FN1: variants seen among roughly 807,000 people sequenced by gnomAD.
The protein encoded by FN1 is fibronectin 1, also known as fibronectin.
Under a neutral mutation model 297.3 loss-of-function variants are expected in FN1, and 106 were observed. The observed-to-expected ratio is 0.36, with a 90% CI of 0.30 to 0.42. The LOEUF (loss-of-function observed/expected upper bound fraction) is 0.42, where lower values mean the gene tolerates loss of function less well. Among genes scored for constraint, FN1 ranks in the 10% least tolerant of loss-of-function variants. The pLI, the probability that FN1 is intolerant of heterozygous loss-of-function variation, is 1.00. For synonymous variants in FN1, 1,149 were observed against 1,152.6 expected (o/e 1.00, Z 0.06); for missense variants, 2,690 against 3,124.9 (o/e 0.86, Z 3.32).
At position 215,418,447 on chromosome 2, in the gene FN1, CTT is replaced by C. The variant is rs2063736564; in HGVS notation, c.1819+793_1819+794del. 4.6e-5 allele frequency among the ~76,000 whole-genome samples: 7 copies of C among 152,262 alleles called. No homozygotes were observed. In the South Asian group the frequency reaches 1.5e-3, roughly 32 times the overall value. On this transcript the variant is annotated intron_variant, in intron 12 of 45. Coordinates refer to ENST00000354785, the MANE Select transcript of FN1 (RefSeq NM_212482.4). ...ATGCAGATTCTGACACCCTGAAACT[CTT>C]TTGTTTCTGAATGTAGGCCATATTT...
chr2:215,403,051 G>A (rs1011676025), intron 20 of FN1, among the ~76,000 whole-genome samples: 1 of 152,036 alleles, frequency 6.6e-6, no homozygotes, highest in Non-Finnish European at 1.5e-5. Flanking sequence ...CTGAAAGGGC[G>A]CATTCACTGA....
chr2:215,394,868 A>G (rs550135434), intron 23 of FN1, 149 bp from the exon 24 acceptor site: 16 of 687,338 alleles, frequency 2.3e-5, no homozygotes, highest in African/African-American at 2.1e-4. Context: ...AATGCTTGCA[A>G]CAATCCTTTC....
chr2:215,368,165 T>A, intron 41 of FN1, 138 bp from the exon 42 acceptor site: 4 of 944,438 alleles, frequency 4.2e-6, no homozygotes, highest in African/African-American at 1.6e-5. Context: ...ATTCATCTGT[T>A]CTATCAAGGC....
At chr2:215,422,891 G>A (rs1485775918) in intron 9 of FN1, among the ~76,000 whole-genome samples, 2 of 152,082 alleles carry the variant, frequency 1.3e-5, no homozygotes, top group African/African-American at 4.8e-5. Flanking sequence ...AGAAAACATT[G>A]AGTTTTAGTC....
At chr2:215,430,230 C>G (rs746679867) in intron 5 of FN1, among the ~76,000 whole-genome samples, 3 of 152,230 alleles carry the variant, frequency 2.0e-5, no homozygotes, top group South Asian at 4.1e-4. Context: ...AAAAAAGGAG[C>G]CTTCAAACCC....
Position 215,433,492 on chromosome 2 carries a change from T to C in FN1, c.278-31A>G, listed in dbSNP as rs778235375. ...GGGAAAAGGAAAGTCCATGTGAGCCTCACTTAGGTACAAGCTTTTCTAGTT... is the reference window on the plus strand; with the variant it reads ...GGGAAAAGGAAAGTCCATGTGAGCCCCACTTAGGTACAAGCTTTTCTAGTT... On this transcript the variant is annotated intron_variant, in intron 2 of 45. Coordinates refer to ENST00000354785, the MANE Select transcript of FN1 (RefSeq NM_212482.4). 6 of 1,606,154 alleles carry C rather than the reference T, an allele frequency of 3.7e-6. No homozygotes were observed. The Middle Eastern group carries it at 5.0e-4, about 133-fold the overall frequency.
Position 215,372,348 on chromosome 2 carries a change from G to A in FN1, c.6275C>T (p.Pro2092Leu), listed in dbSNP as rs758267993. 6.2e-6 allele frequency: 10 copies of A among 1,614,056 alleles called. No homozygotes were observed. Among genetic ancestry groups the A allele is most frequent in the African/African-American group, 5.3e-5 (4 of 74,918 alleles). ...TDELPQLVTLPHPNLHGPEIL... is the reference protein window; with the variant it reads ...TDELPQLVTLLHPNLHGPEIL... ...CTCTGGTCCATGAAGATTGGGGTGT[G>A]GAAGGGTTACCAGTTGGGGAAGCTC... The change falls in exon 40 of 46, where the codon CCA becomes CTA. Residue 2092 changes from proline to leucine, a missense_variant. By Grantham distance (98) the Pro-to-Leu change is moderately conservative. Around this residue, in one of 3 missense-constraint regions of FN1, gnomAD observed 1,743 missense variants for 1,945.2 expected, o/e 0.90. Coordinates refer to ENST00000354785, the MANE Select transcript of FN1 (RefSeq NM_212482.4).
intron 13 of FN1, among the ~76,000 whole-genome samples, chr2:215,412,180 G>C (rs1379581428): frequency 7.6e-6 from 1 of 131,554 alleles, no homozygotes; most frequent in African/African-American, 2.6e-5. Flanking sequence ...AGAAGAAAAA[G>C]AATGACTTTT....
intron 13 of FN1, 64 bp downstream of exon 13, chr2:215,414,773 G>A (rs2106349783): frequency 6.2e-7 from 1 of 1,602,572 alleles, no homozygotes; most frequent in East Asian, 2.2e-5. Flanking sequence ...GGGAAAAAAA[G>A]AAACCATCAG....
At chr2:215,362,274 T>G in intron 44 of FN1, 195 bp from the exon 45 acceptor site, 1 of 598,070 alleles carries the variant, frequency 1.7e-6, no homozygotes. Context: ...CCATATCTTA[T>G]ACCTACATCT....
intron 28 of FN1, among the ~76,000 whole-genome samples, chr2:215,386,369 G>A (rs889563305): frequency 5.3e-5 from 8 of 151,842 alleles, no homozygotes; most frequent in East Asian, 1.9e-4. Flanking sequence ...GAGCCACCCC[G>A]TCCGGCCAAT....
At chr2:215,413,035 A>G (rs1452023057) in intron 13 of FN1, among the ~76,000 whole-genome samples, 1 of 152,206 alleles carries the variant, frequency 6.6e-6, no homozygotes, top group East Asian at 1.9e-4. Flanking sequence ...TCAAGGTTCA[A>G]TGGAATTATT....
chr2:215,414,908 T>G lies in FN1; in HGVS notation c.1870A>C (p.Asn624His), dbSNP rs2063224194. ...VFITETPSQP[N>H]SHPIQWNAPQ... ...GCATTCCACTGGATGGGGTGGGAGTTGGGCTGACTCGGAGTCTCAGTGATA... is the reference window on the plus strand; with the variant it reads ...GCATTCCACTGGATGGGGTGGGAGTGGGGCTGACTCGGAGTCTCAGTGATA... The change falls in exon 13 of 46, where the codon AAC becomes CAC. Residue 624 changes from asparagine (N) to histidine (H), a missense_variant. Asn to His is a moderately conservative substitution (Grantham distance 68). This residue lies in a region of FN1 where 876 missense variants were observed against 1,058.1 expected (regional missense o/e 0.83). Transcript: ENST00000354785. The G allele has an allele frequency of 1.9e-6, 3 of 1,613,960 alleles. No homozygotes were observed. The East Asian group carries it at 6.7e-5, about 36-fold the overall frequency.
intron 6 of FN1, among the ~76,000 whole-genome samples, chr2:215,427,961 C>T (rs754815923): frequency 4.9e-4 from 75 of 152,030 alleles, no homozygotes; most frequent in Non-Finnish European, 6.6e-4. Context: ...CTTTTTTCCC[C>T]CTAAGGTTTA....
chr2:215,383,694 A>G (rs1329614499), intron 30 of FN1, among the ~76,000 whole-genome samples: 1 of 152,206 alleles, frequency 6.6e-6, no homozygotes, highest in Non-Finnish European at 1.5e-5. Context: ...TTCATTCACA[A>G]AGAAGCTACA....
chr2:215,433,685 T>C (rs559726593), intron 2 of FN1, among the ~76,000 whole-genome samples: 1 of 152,370 alleles, frequency 6.6e-6, no homozygotes, highest in Non-Finnish European at 1.5e-5. Flanking sequence ...ATTCATATTG[T>C]AGAAAAATCT....
chr2:215,370,867 T>G (rs759236864), intron 40 of FN1, among the ~76,000 whole-genome samples: 1 of 152,160 alleles, frequency 6.6e-6, no homozygotes, highest in East Asian at 1.9e-4. Context: ...CTTAAAACAG[T>G]TGGGCAAATC....
rs1482216617 is a variant in FN1 at position 215,373,414 on chromosome 2, G to T, written c.6158-3C>A. 6.2e-7 allele frequency: 1 copy of T among 1,610,982 alleles called. No individual in the cohort carries two copies. Among genetic ancestry groups the T allele is most frequent in the Admixed American group, 1.7e-5 (1 of 59,956 alleles). ...ATATTCGGTTCCCGGTTCCAGGCCT[G>T]AAGGGAGAATAGAACCATCACATTA... On this transcript the variant is annotated splice_polypyrimidine_tract_variant and splice_region_variant and intron_variant, in intron 38 of 45. Coordinates refer to ENST00000354785, the MANE Select transcript of FN1 (RefSeq NM_212482.4).
In FN1 at chr2:215,419,209, C is replaced by T. The variant is rs1222036990; in HGVS notation, c.1819+33G>A. The T allele has an allele frequency of 2.5e-6, 4 of 1,607,798 alleles. No individual in the cohort carries two copies. In the East Asian group the frequency reaches 8.9e-5, roughly 36 times the overall value. On this transcript the variant is annotated intron_variant, in intron 12 of 45. Coordinates refer to ENST00000354785, the MANE Select transcript of FN1 (RefSeq NM_212482.4). Reference sequence around the variant, plus strand: ...TGCCCTGTTGTTATAACCCAATTGGCAGTTCTCAACTTGCAGTAATAGAGC... The same window carrying T: ...TGCCCTGTTGTTATAACCCAATTGGTAGTTCTCAACTTGCAGTAATAGAGC...
Sources: allele counts gnomAD v4.1 joint callset (sites outside exome capture counted in the v4.1 genomes callset), GRCh38; gene constraint gnomAD v4.1.1; regional missense constraint gnomAD v4.1.1; transcripts MANE v1.5; gene names NCBI Gene and HGNC (gene_info 2026-07-23, HGNC 2026-07-21).